Variants in RBFOX1 observed in about 807,000 individuals in gnomAD.
RBFOX1 encodes RNA binding fox-1 homolog 1.
Under a neutral mutation model 57.7 loss-of-function variants are expected in RBFOX1, and 8 were observed. The ratio of observed to expected loss-of-function variants is 0.14; its 90% CI spans 0.08 to 0.25. The LOEUF (loss-of-function observed/expected upper bound fraction) is 0.25, where lower values mean the gene tolerates loss of function less well. Among genes scored for constraint, RBFOX1 ranks in the 10% least tolerant of loss-of-function variants. The probability of loss-of-function intolerance (pLI) is 1.00; values close to 1 mark genes in which losing one functional copy is unlikely to be tolerated. For missense variants in RBFOX1, 611 were observed against 548.5 expected, an observed-to-expected ratio of 1.11 and a Z score of -1.14; for synonymous variants, 326 against 222.4, an observed-to-expected ratio of 1.47 and a Z score of -4.15.
At position 5,555,439 on chromosome 16, in the gene RBFOX1, C is replaced by T. The variant is rs555312728; in HGVS notation, c.259-43463C>T. ...CAAATTTTTGTATTTTTAGTACAGA[C>T]GCGGTTTCGCCATCTTGACCAGGCT... On this transcript the variant is annotated intron_variant, in intron 2 of 2. Coordinates refer to the RBFOX1 transcript ENST00000585867. 1.2e-4 allele frequency among the ~76,000 whole-genome samples: 18 copies of T among 151,574 alleles called. No individual in the cohort carries two copies. In the South Asian group the frequency reaches 2.9e-3, roughly 25 times the overall value.
chr16:5,734,823 A>T (rs184523861), intron 3 of RBFOX1, among the ~76,000 whole-genome samples: 50 of 152,194 alleles, frequency 3.3e-4, no homozygotes, highest in African/African-American at 1.1e-3. Flanking sequence ...GAAGGAAGGG[A>T]GATAAGGGTG....
chr16:5,760,505 C>G (rs994869397), intron 3 of RBFOX1, among the ~76,000 whole-genome samples: 1 of 152,084 alleles, frequency 6.6e-6, no homozygotes, highest in Non-Finnish European at 1.5e-5. Context: ...GAAAAGAACC[C>G]CATTTCCATC....
chr16:7,493,843 A>G (rs974799060), intron 4 of RBFOX1, among the ~76,000 whole-genome samples: 1 of 152,218 alleles, frequency 6.6e-6, no homozygotes, highest in Non-Finnish European at 1.5e-5. Context: ...TATAACAACA[A>G]TAGAACGCTG....
At chr16:7,435,405 C>G (rs761056347) in intron 4 of RBFOX1, among the ~76,000 whole-genome samples, 1 of 151,920 alleles carries the variant, frequency 6.6e-6, no homozygotes, top group Non-Finnish European at 1.5e-5. Context: ...AATGACTTAT[C>G]GCTGTTGATG....
At chr16:5,424,322 A>T (rs2067446657) in intron 1 of RBFOX1, among the ~76,000 whole-genome samples, 1 of 152,308 alleles carries the variant, frequency 6.6e-6, no homozygotes, top group Admixed American at 6.5e-5. Flanking sequence ...TTCAGAGTTC[A>T]TTGACAGGCT....
At chr16:6,107,677 A>T (rs1455589438) in intron 1 of RBFOX1, among the ~76,000 whole-genome samples, 1 of 117,482 alleles carries the variant, frequency 8.5e-6, no homozygotes, top group Non-Finnish European at 1.7e-5. Context: ...GCATGGGTGG[A>T]TGGATAGGTG....
intron 2 of RBFOX1, among the ~76,000 whole-genome samples, chr16:5,481,937 C>G (rs768601667): frequency 2.0e-5 from 3 of 152,166 alleles, no homozygotes; most frequent in African/African-American, 7.2e-5. Context: ...TTAGTTACTT[C>G]TTTAAAGACT....
At chr16:5,604,249 C>T (rs550602729), downstream of RBFOX1, among the ~76,000 whole-genome samples, 6 of 152,312 alleles carry the variant, frequency 3.9e-5, no homozygotes, top group East Asian at 1.2e-3. Flanking sequence ...CAAACAACAC[C>T]TGTCTACCAT....
chr16:6,144,892 T>G (rs925050849), intron 1 of RBFOX1, among the ~76,000 whole-genome samples: 1 of 152,238 alleles, frequency 6.6e-6, no homozygotes, highest in Non-Finnish European at 1.5e-5. Context: ...TTTGTCCACC[T>G]GTGGTCTGTT....
intron 1 of RBFOX1, among the ~76,000 whole-genome samples, chr16:6,222,131 A>G (rs539157429): frequency 3.3e-5 from 5 of 152,152 alleles, no homozygotes; most frequent in Non-Finnish European, 7.4e-5. Flanking sequence ...TTTCCAAACA[A>G]CTAGCCAAAT....
rs1244974300 is a variant in RBFOX1 at position 5,856,589 on chromosome 16, A to G, written c.319-10714A>G. Among the ~76,000 whole-genome samples, 55 of 80,336 alleles carry G rather than the reference A, an allele frequency of 6.8e-4. 2 individuals carry two copies. The highest frequency in any genetic ancestry group is 1.3e-3 in the African/African-American group (33 of 24,544). The allele number at this position is 80,336 out of a possible 152,430, so 52.7% of individuals were successfully genotyped here. A position where few individuals can be genotyped will look rare whatever the true frequency, so the allele number is the denominator to read the frequency against. ...TGTGTGTGTGTGTATATATATATAT[A>G]TATATATATATATATAATCTTAGCC... On this transcript the variant is annotated intron_variant, in intron 3 of 19. Coordinates refer to the RBFOX1 transcript ENST00000641259.
intron 4 of RBFOX1, among the ~76,000 whole-genome samples, chr16:7,277,105 G>A (rs924043788): frequency 6.6e-6 from 1 of 152,160 alleles, no homozygotes; most frequent in Admixed American, 6.5e-5. Context: ...AAAGATAATT[G>A]ATCCTTTGAC....
At chr16:7,394,712 T>A (rs2098113040) in intron 4 of RBFOX1, among the ~76,000 whole-genome samples, 1 of 152,172 alleles carries the variant, frequency 6.6e-6, no homozygotes, top group Non-Finnish European at 1.5e-5. Context: ...TGTGCCCCGG[T>A]TGAGGCATGA....
chr16:5,974,407 G>A (rs986842551), intron 4 of RBFOX1, among the ~76,000 whole-genome samples: 45 of 151,572 alleles, frequency 3.0e-4, no homozygotes, highest in African/African-American at 9.0e-4. Flanking sequence ...TCAGGAGTTC[G>A]AGACCAGCCT....
At chr16:6,074,770 C>T (rs1048599287) in intron 1 of RBFOX1, among the ~76,000 whole-genome samples, 1 of 152,138 alleles carries the variant, frequency 6.6e-6, no homozygotes, top group Non-Finnish European at 1.5e-5. Context: ...AGCACAGAAG[C>T]TCAAGCGTCA....
At chr16:6,968,735 C>G (rs567121344) in intron 3 of RBFOX1, among the ~76,000 whole-genome samples, 31 of 152,222 alleles carry the variant, frequency 2.0e-4, no homozygotes, top group African/African-American at 7.5e-4. Flanking sequence ...GGCCTCATCT[C>G]CCTCCTCTCC....
chr16:7,607,346 G>C lies in RBFOX1; in HGVS notation c.676+8G>C, dbSNP rs1420024348. Reference sequence around the variant, plus strand: ...GTCCCGAATTCTATGCAGGTACAGAGTTTCTCTTTGCACGAAGTCTTCTCA... The same window carrying C: ...GTCCCGAATTCTATGCAGGTACAGACTTTCTCTTTGCACGAAGTCTTCTCA... On this transcript the variant is annotated splice_region_variant and intron_variant, in intron 10 of 15. Transcript: ENST00000550418. 2.5e-6 allele frequency: 4 copies of C among 1,607,520 alleles called. No homozygotes were observed. The highest frequency in any genetic ancestry group is 2.2e-5 in the East Asian group (1 of 44,618).
chr16:6,916,689 G>A (rs917917046), intron 3 of RBFOX1, among the ~76,000 whole-genome samples: 2 of 152,004 alleles, frequency 1.3e-5, no homozygotes, highest in Non-Finnish European at 2.9e-5. Context: ...CCTCTCATTG[G>A]CCGCAGTTAT....
intron 4 of RBFOX1, among the ~76,000 whole-genome samples, chr16:7,406,362 G>A (rs1053441067): frequency 6.6e-6 from 1 of 152,142 alleles, no homozygotes; most frequent in Non-Finnish European, 1.5e-5. Flanking sequence ...GTAAACCGAG[G>A]CCCAGAGCTC....
Sources: allele counts gnomAD v4.1 joint callset (sites outside exome capture counted in the v4.1 genomes callset), GRCh38; gene constraint gnomAD v4.1.1; transcripts MANE v1.5; gene names NCBI Gene and HGNC (gene_info 2026-07-23, HGNC 2026-07-21).